ME1: variants seen among roughly 807,000 people sequenced by gnomAD.
The protein encoded by ME1 is malic enzyme 1.
A neutral mutation model predicts 66.4 loss-of-function variants in ME1; 74 were observed. That is an observed-to-expected ratio of 1.11 (90% CI 0.92 to 1.35). The LOEUF is 1.35. Ranked by LOEUF, ME1 falls within the 40% of genes most tolerant of loss-of-function variation. The pLI is 0.00. For missense variants in ME1, 750 were observed against 694.1 expected (o/e 1.08, Z -0.90); for synonymous variants, 251 against 235.6 (o/e 1.07, Z -0.60).
At chr6:83,292,461 G>A (rs1767521594) in intron 6 of ME1, among the ~76,000 whole-genome samples, 2 of 152,296 alleles carry the variant, frequency 1.3e-5, no homozygotes, top group Admixed American at 1.3e-4. Context: ...CTGCAGAACA[G>A]CAAATATTGC....
rs186300740 is a variant in ME1, at chr6:83,325,847, C to A, written c.601-10434G>T. On this transcript the variant is annotated intron_variant, in intron 5 of 13. Transcript: ENST00000369705. ...ATCAAACTACCACTGACCTCCTTCACAGAATTAGAAAAAACTACTTTAAAT... is the reference window on the plus strand; with the variant it reads ...ATCAAACTACCACTGACCTCCTTCAAAGAATTAGAAAAAACTACTTTAAAT... 3.7e-3 allele frequency among the ~76,000 whole-genome samples: 543 copies of A among 147,800 alleles called. 5 individuals carry two copies. Among genetic ancestry groups the A allele is most frequent in the Admixed American group, 7.0e-3 (100 of 14,372 alleles).
chr6:83,340,981 A>G (rs1433923829), intron 5 of ME1, among the ~76,000 whole-genome samples: 1 of 151,946 alleles, frequency 6.6e-6, no homozygotes, highest in Non-Finnish European at 1.5e-5. Context: ...ATAAGGGCCT[A>G]ATCCTTTTAT....
At chr6:83,289,455 T>C (rs1344814864) in intron 6 of ME1, among the ~76,000 whole-genome samples, 1 of 152,244 alleles carries the variant, frequency 6.6e-6, no homozygotes, top group East Asian at 1.9e-4. Context: ...ATTTTGTTTA[T>C]TGATTTGCAT....
intron 6 of ME1, among the ~76,000 whole-genome samples, chr6:83,313,624 C>T (rs1767969916): frequency 6.6e-6 from 1 of 152,090 alleles, no homozygotes; most frequent in Non-Finnish European, 1.5e-5. Context: ...CTTATATAGC[C>T]TTACGGTATT....
chr6:83,329,138 T>C (rs1257933748), intron 5 of ME1, among the ~76,000 whole-genome samples: 4 of 152,136 alleles, frequency 2.6e-5, no homozygotes, highest in Non-Finnish European at 4.4e-5. Flanking sequence ...ATTATAAGTA[T>C]TTTTCTCATC....
intron 4 of ME1, among the ~76,000 whole-genome samples, chr6:83,347,217 G>C (rs1050629482): frequency 2.0e-5 from 3 of 152,158 alleles, no homozygotes; most frequent in African/African-American, 7.2e-5. Flanking sequence ...CTTCCAAAGT[G>C]CTGGGATTAC....
intron 6 of ME1, among the ~76,000 whole-genome samples, chr6:83,287,073 G>A (rs1767409506): frequency 6.6e-6 from 1 of 152,016 alleles, no homozygotes; most frequent in Non-Finnish European, 1.5e-5. Flanking sequence ...TTTAAAAACT[G>A]TTTTTATGAA....
At chr6:83,281,739 G>A (rs1767292071) in intron 6 of ME1, among the ~76,000 whole-genome samples, 1 of 122,818 alleles carries the variant, frequency 8.1e-6, no homozygotes, top group Non-Finnish European at 1.6e-5. Context: ...CTGGGAAACA[G>A]AAGTTGCAGT....
intron 6 of ME1, among the ~76,000 whole-genome samples, chr6:83,294,578 C>T (rs1767560557): frequency 6.6e-6 from 1 of 152,172 alleles, no homozygotes; most frequent in Non-Finnish European, 1.5e-5. Flanking sequence ...AGCAGCTAAA[C>T]AATTCTTGGA....
intron 6 of ME1, among the ~76,000 whole-genome samples, chr6:83,293,002 G>T (rs1002616697): frequency 3.9e-5 from 6 of 152,160 alleles, no homozygotes; most frequent in African/African-American, 1.4e-4. Flanking sequence ...CATGGGAAAA[G>T]CACAGTATTT....
intron 3 of ME1, among the ~76,000 whole-genome samples, chr6:83,393,579 G>A (rs1276718151): frequency 1.5e-5 from 2 of 137,400 alleles, no homozygotes; most frequent in Admixed American, 8.1e-5. Context: ...ACCTTTTCAT[G>A]TACCATCAAT....
At chr6:83,306,326 TA>T (rs1321032347) in intron 6 of ME1, among the ~76,000 whole-genome samples, 1 of 152,000 alleles carries the variant, frequency 6.6e-6, no homozygotes, top group Non-Finnish European at 1.5e-5. Flanking sequence ...GTATACAGAT[TA>T]TTTTGAAATC....
At position 83,252,294 on chromosome 6, in the gene ME1, C is replaced by CTGT. The variant is rs983284403; in HGVS notation, c.814+1332_814+1334dup. On this transcript the variant is annotated intron_variant, in intron 7 of 13. Coordinates refer to ENST00000369705, the MANE Select transcript of ME1 (RefSeq NM_002395.6). ...GTTGTTGTTGCTGTTGTTGTTGTTGCTGTTGTTGTTGTTGTTTGAGACAGG... is the reference window on the plus strand; with the variant it reads ...GTTGTTGTTGCTGTTGTTGTTGTTGCTGTTGTTGTTGTTGTTGTTTGAGACAGG... 7.4e-5 allele frequency among the ~76,000 whole-genome samples: 11 copies of CTGT among 148,440 alleles called. No individual in the cohort carries two copies. The Admixed American group carries it at 7.5e-4, about 10-fold the overall frequency.
chr6:83,384,884 C>T (rs1004439133), intron 3 of ME1, among the ~76,000 whole-genome samples: 1 of 151,832 alleles, frequency 6.6e-6, no homozygotes, highest in African/African-American at 2.4e-5. Context: ...AATAGGGAGT[C>T]CTTTCTCCAT....
At chr6:83,213,655 C>G (rs1430538060) in intron 13 of ME1, among the ~76,000 whole-genome samples, 5 of 152,056 alleles carry the variant, frequency 3.3e-5, no homozygotes, top group Non-Finnish European at 5.9e-5. Context: ...GTGTGAGCCA[C>G]CGTGCCCAGC....
chr6:83,266,302 C>T (rs1340488307), intron 6 of ME1, among the ~76,000 whole-genome samples: 1 of 152,130 alleles, frequency 6.6e-6, no homozygotes, highest in Non-Finnish European at 1.5e-5. Context: ...TAATGGAAAT[C>T]CATGCATATT....
chr6:83,313,753 T>TA (rs1767972740), intron 6 of ME1, among the ~76,000 whole-genome samples: 1 of 137,010 alleles, frequency 7.3e-6, no homozygotes, highest in Non-Finnish European at 1.6e-5. Flanking sequence ...AAATTAACTG[T>TA]ATTATGTGAT....
At chr6:83,241,319 G>T (rs1246470619) in intron 7 of ME1, among the ~76,000 whole-genome samples, 1 of 152,076 alleles carries the variant, frequency 6.6e-6, no homozygotes, top group African/African-American at 2.4e-5. Context: ...ATGATTTTAA[G>T]GGTTTCTATA....
intron 5 of ME1, among the ~76,000 whole-genome samples, chr6:83,343,811 C>T (rs73474796): frequency 0.016 from 2,497 of 152,204 alleles, 61 homozygotes; most frequent in East Asian, 0.06. Flanking sequence ...TTCAAGACAA[C>T]CATCAATTTG....
Sources: gnomAD v4.1 joint callset for allele counts (sites outside exome capture counted in the v4.1 genomes callset) on GRCh38, gnomAD v4.1.1 for gene constraint, MANE v1.5 for transcripts, NCBI Gene and HGNC (gene_info 2026-07-23, HGNC 2026-07-21) for gene names.